TRPM6: variants seen among roughly 807,000 people sequenced by gnomAD.
TRPM6 encodes the protein channel kinase 2.
A neutral mutation model predicts 247.6 loss-of-function variants in TRPM6; 111 were observed. The ratio of observed to expected loss-of-function variants is 0.45; its 90% CI spans 0.38 to 0.52. The LOEUF (loss-of-function observed/expected upper bound fraction) is 0.52, where lower values mean the gene tolerates loss of function less well. TRPM6 is among the 20% of genes least tolerant of loss of function. TRPM6 has a pLI of 0.00. For synonymous variants in TRPM6, 892 were observed against 853.8 expected (o/e 1.04, Z -0.78); for missense variants, 2,126 against 2,421.5 (o/e 0.88, Z 2.56).
chr9:74,834,845 A>G (rs1829670534), intron 5 of TRPM6, among the ~76,000 whole-genome samples: 1 of 152,110 alleles, frequency 6.6e-6, no homozygotes, highest in Non-Finnish European at 1.5e-5. Context: ...CCTGATGGAC[A>G]TTTGAGTTGG....
chr9:74,796,924 G>C, intron 17 of TRPM6, 31 bp from the exon 18 acceptor site: 1 of 1,590,510 alleles, frequency 6.3e-7, no homozygotes, highest in Non-Finnish European at 8.6e-7. Flanking sequence ...AAACAAAGTA[G>C]TAGGGACTAC....
rs1825568967 is a variant in TRPM6 at position 74,732,868 on chromosome 9, A to G, written c.5777-132T>C. ...ACTCTGTAGTAAATTAAACATCATG[A>G]GCCCATACTTCACCACTAAGCAATA... is the stretch of plus-strand genomic sequence containing the variant. On this transcript the variant is annotated intron_variant, in intron 36 of 38. Coordinates refer to ENST00000360774, the MANE Select transcript of TRPM6 (RefSeq NM_017662.5). 5 of 752,702 alleles carry G rather than the reference A, an allele frequency of 6.6e-6. No homozygotes were observed. The Admixed American group carries it at 7.1e-5, about 11-fold the overall frequency. The allele number at this position is 752,702 out of a possible 1,614,324, so 46.6% of individuals were successfully genotyped here.
intron 23 of TRPM6, among the ~76,000 whole-genome samples, chr9:74,780,224 T>G (rs1435588942): frequency 1.3e-5 from 2 of 151,106 alleles, no homozygotes; most frequent in African/African-American, 4.9e-5. Context: ...TCCCAGCACT[T>G]TGGGAGGCCG....
chr9:74,739,545 T>C (rs1484716318), intron 34 of TRPM6, 96 bp from the exon 35 acceptor site: 6 of 1,504,818 alleles, frequency 4.0e-6, no homozygotes, highest in Non-Finnish European at 2.8e-6. Flanking sequence ...ATTTTTAGCC[T>C]TATTCAACTC....
chr9:74,820,290 C>T lies in TRPM6; in HGVS notation c.1134+14G>A, dbSNP rs1208296399. ...GTTCTTAAGTCAGTTGAATCATCAA[C>T]TCGTCATACTCACACAATCCCTGTG... On this transcript the variant is annotated intron_variant, in intron 9 of 38. Coordinates refer to ENST00000360774, the MANE Select transcript of TRPM6 (RefSeq NM_017662.5). 3 of 1,613,586 alleles carry T rather than the reference C, an allele frequency of 1.9e-6. No individual in the cohort carries two copies. Among genetic ancestry groups the T allele is most frequent in the East Asian group, 2.2e-5 (1 of 44,890 alleles).
intron 19 of TRPM6, among the ~76,000 whole-genome samples, chr9:74,791,604 G>T (rs1827899166): frequency 6.6e-6 from 1 of 151,632 alleles, no homozygotes; most frequent in Non-Finnish European, 1.5e-5. Context: ...ATCCATAATA[G>T]ATTTAGTATT....
chr9:74,884,372 C>G (rs1240358180), intron 1 of TRPM6, among the ~76,000 whole-genome samples: 1 of 151,870 alleles, frequency 6.6e-6, no homozygotes, highest in African/African-American at 2.4e-5. Flanking sequence ...GCCTGTAGTC[C>G]CAGCTACTCG....
chr9:74,863,811 C>A (rs536513068), intron 1 of TRPM6, among the ~76,000 whole-genome samples: 1 of 152,000 alleles, frequency 6.6e-6, no homozygotes, highest in South Asian at 2.1e-4. Flanking sequence ...TGGTCTCGAA[C>A]TCCTGACCTT....
intron 25 of TRPM6, among the ~76,000 whole-genome samples, chr9:74,767,334 T>G (rs140316563): frequency 6.6e-6 from 1 of 152,214 alleles, no homozygotes; most frequent in African/African-American, 2.4e-5. Flanking sequence ...AAAGCTGACT[T>G]ACACTACTAG....
Position 74,825,305 on chromosome 9 carries a change from A to T in TRPM6, c.841+2473T>A, listed in dbSNP as rs530218118. ...CAAATAAATCAACCACTAGTTAAGT[A>T]TTTTCATGCCATCAAAAATAAATCC... is the stretch of plus-strand genomic sequence containing the variant. On this transcript the variant is annotated intron_variant, in intron 7 of 38. Coordinates refer to ENST00000360774, the MANE Select transcript of TRPM6 (RefSeq NM_017662.5). Among the ~76,000 whole-genome samples the T allele has an allele frequency of 2.0e-5, 3 of 152,270 alleles. No homozygotes were observed. The South Asian group carries it at 6.2e-4, about 32-fold the overall frequency.
chr9:74,839,272 T>C (rs557263128), intron 5 of TRPM6, among the ~76,000 whole-genome samples: 3 of 152,252 alleles, frequency 2.0e-5, no homozygotes, highest in Non-Finnish European at 4.4e-5. Flanking sequence ...ACATTTGTAT[T>C]TTAAAAGCTC....
intron 7 of TRPM6, among the ~76,000 whole-genome samples, chr9:74,826,164 C>A (rs1208011091): frequency 6.6e-6 from 1 of 152,138 alleles, no homozygotes; most frequent in African/African-American, 2.4e-5. Flanking sequence ...TTCTAGACAT[C>A]CCTAATATAC....
chr9:74,859,863 A>G (rs1013966728), intron 1 of TRPM6, among the ~76,000 whole-genome samples: 1 of 152,074 alleles, frequency 6.6e-6, no homozygotes, highest in African/African-American at 2.4e-5. Flanking sequence ...TCTAAAAGGG[A>G]GCTTTTTCAA....
intron 27 of TRPM6, among the ~76,000 whole-genome samples, chr9:74,759,697 T>A (rs548308513): frequency 6.6e-6 from 1 of 152,192 alleles, no homozygotes; most frequent in South Asian, 2.1e-4. Flanking sequence ...AACATGAGAA[T>A]AAGTCTTAGT....
At chr9:74,776,609 T>A (rs113404036) in intron 23 of TRPM6, among the ~76,000 whole-genome samples, 272 of 152,336 alleles carry the variant, frequency 1.8e-3, no homozygotes, top group Non-Finnish European at 2.7e-3. Flanking sequence ...ATTATTTACA[T>A]TAACTTTACA....
chr9:74,742,711 T>TATC (rs1825903754), intron 32 of TRPM6, 85 bp from the exon 33 acceptor site: 1 of 1,107,788 alleles, frequency 9.0e-7, no homozygotes, highest in Admixed American at 1.8e-5. Flanking sequence ...TATATTCATA[T>TATC]AATGCTATTT....
intron 3 of TRPM6, among the ~76,000 whole-genome samples, chr9:74,854,283 T>C (rs115199678): frequency 0.021 from 3,150 of 152,302 alleles, 105 homozygotes; most frequent in African/African-American, 0.07. Context: ...TAGTTGTCTC[T>C]GAAGGTTGTG....
intron 31 of TRPM6, among the ~76,000 whole-genome samples, chr9:74,745,292 A>G (rs1022633788): frequency 6.6e-6 from 1 of 152,218 alleles, no homozygotes; most frequent in Middle Eastern, 3.2e-3. Context: ...GTGAGACCAC[A>G]TTGGTATTTA....
intron 7 of TRPM6, chr9:74,826,732 CTTTCTTTTT>C (rs1829347186): frequency 1.2e-4 from 14 of 118,694 alleles, no homozygotes; most frequent in Admixed American, 1.9e-4. Flanking sequence ...TTTTCTTTTT[CTTTCTTTTT>C]TTTTTTTTTT....
Sources: gnomAD v4.1 joint callset for allele counts (sites outside exome capture counted in the v4.1 genomes callset) on GRCh38, gnomAD v4.1.1 for gene constraint, MANE v1.5 for transcripts, NCBI Gene and HGNC (gene_info 2026-07-23, HGNC 2026-07-21) for gene names.